The following KANSL1 variants were observed in gnomAD, a reference collection of about 807,000 sequenced individuals.
The protein encoded by KANSL1 is MLL1/MLL complex subunit KANSL1.
A neutral mutation model predicts 103.6 loss-of-function variants in KANSL1; 22 were observed. The observed-to-expected ratio is 0.21, with a 90% CI of 0.15 to 0.30. KANSL1 has a LOEUF of 0.30. KANSL1 is among the 10% of genes least tolerant of loss of function. KANSL1 has a pLI of 1.00. For missense variants in KANSL1, 1,337 were observed against 1,399.8 expected (o/e 0.96, Z 0.72); for synonymous variants, 600 against 527.6 (o/e 1.14, Z -1.88).
intron 2 of KANSL1, among the ~76,000 whole-genome samples, chr17:46,124,852 T>C (rs1486015859): frequency 6.6e-6 from 1 of 151,384 alleles, no homozygotes; most frequent in African/African-American, 2.4e-5. Flanking sequence ...GTGATAAAAC[T>C]GAAACAGATG....
At chr17:46,096,892 C>T (rs1414205969) in intron 2 of KANSL1, among the ~76,000 whole-genome samples, 1 of 152,210 alleles carries the variant, frequency 6.6e-6, no homozygotes, top group Non-Finnish European at 1.5e-5. Context: ...GCTGGGATTA[C>T]AGGCGTGAGC....
At chr17:46,176,556 C>T (rs1401631478) in intron 1 of KANSL1, among the ~76,000 whole-genome samples, 8 of 151,954 alleles carry the variant, frequency 5.3e-5, no homozygotes, top group African/African-American at 7.3e-5. Context: ...CTGAGTGTGG[C>T]GGCGAGCGCC....
At chr17:46,081,414 A>T (rs1476397532) in intron 4 of KANSL1, among the ~76,000 whole-genome samples, 2 of 151,272 alleles carry the variant, frequency 1.3e-5, no homozygotes, top group East Asian at 3.8e-4. Flanking sequence ...CATGCAATGA[A>T]CTTATATTAT....
chr17:46,033,777 C>T (rs986866640), intron 11 of KANSL1, among the ~76,000 whole-genome samples: 2 of 152,178 alleles, frequency 1.3e-5, no homozygotes, highest in Admixed American at 1.3e-4. Flanking sequence ...CTGATTGCTC[C>T]CATATGGAAA....
At chr17:46,077,128 T>C (rs917709636) in intron 4 of KANSL1, among the ~76,000 whole-genome samples, 1 of 152,214 alleles carries the variant, frequency 6.6e-6, no homozygotes, top group African/African-American at 2.4e-5. Flanking sequence ...CTCAGCTCAG[T>C]GCAACCTCCA....
intron 6 of KANSL1, among the ~76,000 whole-genome samples, chr17:46,055,138 C>A (rs559996504): frequency 6.6e-6 from 1 of 150,948 alleles, no homozygotes; most frequent in East Asian, 2.0e-4. Flanking sequence ...CGTGAGCCAC[C>A]GTGTCCGGCC....
chr17:46,161,249 C>T (rs2045720284), intron 2 of KANSL1, among the ~76,000 whole-genome samples: 1 of 79,528 alleles, frequency 1.3e-5, no homozygotes, highest in Non-Finnish European at 2.0e-5. Flanking sequence ...CCCACCTCTA[C>T]TAAAAAAAAA....
intron 4 of KANSL1, among the ~76,000 whole-genome samples, chr17:46,078,932 C>G (rs528345820): frequency 6.6e-6 from 1 of 152,160 alleles, no homozygotes; most frequent in Non-Finnish European, 1.5e-5. Flanking sequence ...CACGACTTAT[C>G]GGCAGCTACC....
chr17:46,145,094 T>A (rs2696587), intron 2 of KANSL1, among the ~76,000 whole-genome samples: 1 of 152,156 alleles, frequency 6.6e-6, no homozygotes, highest in African/African-American at 2.4e-5. Context: ...CAAGTACTAC[T>A]TAAGTTCTAT....
intron 4 of KANSL1, 105 bp from the exon 5 acceptor site, chr17:46,067,772 T>C: frequency 1.5e-6 from 1 of 654,830 alleles, no homozygotes; most frequent in South Asian, 1.8e-5. Flanking sequence ...CTTCTGATGA[T>C]CAATTTGAAA....
intron 1 of KANSL1, among the ~76,000 whole-genome samples, chr17:46,212,415 T>A (rs138628515): frequency 0.14 from 21,473 of 151,452 alleles, 1,740 homozygotes; most frequent in East Asian, 0.46. Context: ...GAGATGGGGT[T>A]TCACCATGTT....
At chr17:46,090,854 G>T (rs2079355903) in intron 3 of KANSL1, among the ~76,000 whole-genome samples, 1 of 152,192 alleles carries the variant, frequency 6.6e-6, no homozygotes, top group African/African-American at 2.4e-5. Context: ...GCTATTAGAA[G>T]TATACCACAT....
chr17:46,072,910 A>C (rs559521811), intron 4 of KANSL1, among the ~76,000 whole-genome samples: 11 of 152,334 alleles, frequency 7.2e-5, no homozygotes, highest in African/African-American at 2.6e-4. Context: ...AACTATCTAG[A>C]ATTTAAAGAA....
chr17:46,186,252 G>A (rs1429509019), intron 1 of KANSL1, among the ~76,000 whole-genome samples: 7 of 151,758 alleles, frequency 4.6e-5, no homozygotes, highest in Admixed American at 6.6e-5. Context: ...GCATGATGGC[G>A]GGCACCTGTA....
intron 1 of KANSL1, among the ~76,000 whole-genome samples, chr17:46,206,811 T>C (rs1440689888): frequency 5.3e-5 from 8 of 152,292 alleles, no homozygotes; most frequent in African/African-American, 1.4e-4. Flanking sequence ...AAAAAACAAG[T>C]AAATTTGGCT....
chr17:46,154,931 G>C (rs867376455), intron 2 of KANSL1, among the ~76,000 whole-genome samples: 1 of 152,130 alleles, frequency 6.6e-6, no homozygotes, highest in Non-Finnish European at 1.5e-5. Context: ...AAAGTACTGG[G>C]ATTACAAGGT....
At chr17:46,095,303 T>C (rs1165482767) in intron 2 of KANSL1, among the ~76,000 whole-genome samples, 1 of 152,212 alleles carries the variant, frequency 6.6e-6, no homozygotes, top group Non-Finnish European at 1.5e-5. Flanking sequence ...TTGCCTACAG[T>C]ATTTTTAATG....
chr17:46,134,839 G>A (rs935078704), intron 2 of KANSL1, among the ~76,000 whole-genome samples: 6 of 148,304 alleles, frequency 4.0e-5, no homozygotes, highest in Admixed American at 6.8e-5. Context: ...AGTGAGACTC[G>A]GTCTCCAAAA....
intron 1 of KANSL1, among the ~76,000 whole-genome samples, chr17:46,220,674 C>T (rs908239955): frequency 5.9e-5 from 9 of 152,252 alleles, no homozygotes; most frequent in Admixed American, 3.3e-4. Context: ...CTTATTTATT[C>T]TTCTAAAGGT....
Sources: gnomAD v4.1 joint callset for allele counts (sites outside exome capture counted in the v4.1 genomes callset) on GRCh38, gnomAD v4.1.1 for gene constraint, MANE v1.5 for transcripts, NCBI Gene and HGNC (gene_info 2026-07-23, HGNC 2026-07-21) for gene names.